The following SBF2 variants were observed in gnomAD, a reference collection of about 807,000 sequenced individuals.
SBF2 encodes SET binding factor 2.
In SBF2, 112 loss-of-function variants were observed where a neutral mutation model predicts 225.2. That is an observed-to-expected ratio of 0.50 (90% CI 0.43 to 0.58). SBF2 has a LOEUF of 0.58. Among genes scored for constraint, SBF2 ranks in the 20% least tolerant of loss-of-function variants. The pLI, the probability that SBF2 is intolerant of heterozygous loss-of-function variation, is 0.00. For synonymous variants in SBF2, 763 were observed against 773.3 expected (o/e 0.99, Z 0.22); for missense variants, 1,996 against 2,206.2 (o/e 0.90, Z 1.91).
chr11:10,071,863 A>G (rs1215481240), intron 2 of SBF2, among the ~76,000 whole-genome samples: 1 of 152,148 alleles, frequency 6.6e-6, no homozygotes, highest in African/African-American at 2.4e-5. Flanking sequence ...ATCATGGTGG[A>G]TAAGCTTTTT....
At chr11:9,857,077 G>A (rs1434382412) in intron 18 of SBF2, among the ~76,000 whole-genome samples, 1 of 152,162 alleles carries the variant, frequency 6.6e-6, no homozygotes, top group Non-Finnish European at 1.5e-5. Flanking sequence ...GTGAGCAACC[G>A]CGCCCGGCCT....
intron 1 of SBF2, among the ~76,000 whole-genome samples, chr11:10,216,363 G>C (rs1433897210): frequency 6.6e-6 from 1 of 152,146 alleles, no homozygotes; most frequent in African/African-American, 2.4e-5. Context: ...ATGTTACCTA[G>C]AATAAGAAAA....
chr11:10,063,046 A>T (rs988997880), intron 2 of SBF2, among the ~76,000 whole-genome samples: 1 of 152,172 alleles, frequency 6.6e-6, no homozygotes, highest in African/African-American at 2.4e-5. Flanking sequence ...CGGACCATGG[A>T]TGGAGCTACA....
intron 16 of SBF2, among the ~76,000 whole-genome samples, chr11:9,952,688 T>C (rs1865927320): frequency 6.6e-6 from 1 of 152,180 alleles, no homozygotes; most frequent in African/African-American, 2.4e-5. Context: ...TTAATGTACA[T>C]ATGCAATCTG....
chr11:9,897,728 G>T (rs1467581417), intron 16 of SBF2, among the ~76,000 whole-genome samples: 8 of 152,248 alleles, frequency 5.3e-5, no homozygotes, highest in African/African-American at 1.9e-4. Flanking sequence ...TGCATGAAAT[G>T]ATTTTAAACT....
At chr11:10,286,488 T>C (rs997253439) in intron 1 of SBF2, among the ~76,000 whole-genome samples, 1 of 151,952 alleles carries the variant, frequency 6.6e-6, no homozygotes. Context: ...GCCTCCCACG[T>C]AGCTGGGATT....
chr11:9,853,452 T>C, intron 20 of SBF2, 88 bp downstream of exon 20: 1 of 1,141,884 alleles, frequency 8.8e-7, no homozygotes, highest in Non-Finnish European at 1.3e-6. Flanking sequence ...ATGGCTGAAC[T>C]ATAATGGAAG....
Position 9,850,122 on chromosome 11 carries a change from C to T in SBF2, c.2707G>A (p.Gly903Arg). ...AGCTGAGGGCCTCCAAGAAGACCTC[C>T]AGTAGCTTCTTCTCTTCCATCAGGA... Reference protein sequence around the residue: ...LDPDGREEATGGLLGGPQLLP... With the variant: ...LDPDGREEATRGLLGGPQLLP... The change falls in exon 22 of 40, where the codon GGA (glycine) becomes AGA (arginine). Residue 903 changes from glycine (G) to arginine (R), a missense_variant. By Grantham distance (125) the Gly-to-Arg change is moderately radical (BLOSUM62 -2). Transcript: ENST00000256190. 1 of 1,613,934 alleles carries T rather than the reference C, an allele frequency of 6.2e-7. No homozygotes were observed. Among genetic ancestry groups the T allele is most frequent in the Non-Finnish European group, 8.5e-7 (1 of 1,179,814 alleles).
chr11:10,046,250 A>C (rs1949857497), intron 2 of SBF2, among the ~76,000 whole-genome samples: 1 of 152,228 alleles, frequency 6.6e-6, no homozygotes, highest in East Asian at 1.9e-4. Flanking sequence ...TTCAGAAAAC[A>C]GAAGCAAAGG....
At chr11:9,921,535 C>A (rs1468955268) in intron 16 of SBF2, among the ~76,000 whole-genome samples, 4 of 152,178 alleles carry the variant, frequency 2.6e-5, no homozygotes, top group African/African-American at 7.2e-5. Flanking sequence ...ATTATCCTTT[C>A]TGATATGGCC....
At chr11:10,116,029 C>T (rs1006913936) in intron 2 of SBF2, among the ~76,000 whole-genome samples, 1 of 151,934 alleles carries the variant, frequency 6.6e-6, no homozygotes, top group Admixed American at 6.6e-5. Flanking sequence ...ATTAGCCAGG[C>T]GTGGTGATGG....
chr11:9,885,281 A>AC lies in SBF2; in HGVS notation c.1929+10661dup, dbSNP rs1216269331. ...AAAAAAAAAAAAAAAAAAAAACCCC[A>AC]CCCCCCCAAAAAAAACCCAGTGTAA... On this transcript the variant is annotated intron_variant, in intron 17 of 39. Transcript: ENST00000256190. Among the ~76,000 whole-genome samples the AC allele has an allele frequency of 2.3e-3, 221 of 94,404 alleles. 2 individuals carry two copies. The highest frequency in any genetic ancestry group is 6.9e-3 in the African/African-American group (178 of 25,950). The allele number at this position is 94,404 out of a possible 152,430, so 61.9% of individuals were successfully genotyped here.
At chr11:10,273,713 GCCTTGGATAAGAAA>G (rs1487401090) in intron 1 of SBF2, among the ~76,000 whole-genome samples, 2 of 152,174 alleles carry the variant, frequency 1.3e-5, no homozygotes, top group African/African-American at 2.4e-5. Context: ...GTAGTTTAAG[GCCTTGGATAAGAAA>G]TGGAATATCT....
chr11:10,251,374 G>A (rs917855697), intron 1 of SBF2, among the ~76,000 whole-genome samples: 1 of 152,176 alleles, frequency 6.6e-6, no homozygotes, highest in African/African-American at 2.4e-5. Flanking sequence ...AGATTCTACT[G>A]TAAAGGCTAT....
At chr11:9,884,091 T>C (rs1860054618) in intron 17 of SBF2, among the ~76,000 whole-genome samples, 1 of 152,188 alleles carries the variant, frequency 6.6e-6, no homozygotes, top group African/African-American at 2.4e-5. Flanking sequence ...TACCCTTTGA[T>C]GGAGGCTTTG....
At position 9,929,413 on chromosome 11, in the gene SBF2, G is replaced by T; in HGVS notation, c.1860+32544C>A. The T allele has an allele frequency of 1.9e-5, 4 of 207,378 alleles. No individual in the cohort carries two copies. The South Asian group carries it at 2.7e-4, about 14-fold the overall frequency. 12.8% of individuals were successfully genotyped at this position (207,378 alleles called of 1,614,324 possible). On this transcript the variant is annotated intron_variant, in intron 16 of 39. Coordinates refer to ENST00000256190, the MANE Select transcript of SBF2 (RefSeq NM_030962.4). ...CCAGTGACAACCAGCTCAGGGGTAGGACCAAGAAGCAGCTCCAAAGCGCTT... is the reference window on the plus strand; with the variant it reads ...CCAGTGACAACCAGCTCAGGGGTAGTACCAAGAAGCAGCTCCAAAGCGCTT...
chr11:10,030,909 T>G, intron 4 of SBF2, 139 bp downstream of exon 4: 1 of 696,946 alleles, frequency 1.4e-6, no homozygotes, highest in Admixed American at 2.9e-5. Context: ...ATATTTCTTC[T>G]GTTCATGCTA....
intron 1 of SBF2, among the ~76,000 whole-genome samples, chr11:10,252,814 C>A (rs1960497777): frequency 1.4e-5 from 2 of 138,856 alleles, no homozygotes; most frequent in African/African-American, 2.6e-5. Flanking sequence ...ATGCGAGACT[C>A]TGTCTCAAAA....
At chr11:10,169,281 C>T (rs1416245564) in intron 2 of SBF2, among the ~76,000 whole-genome samples, 2 of 152,074 alleles carry the variant, frequency 1.3e-5, no homozygotes, top group African/African-American at 4.8e-5. Flanking sequence ...ATTCATTCTA[C>T]CCAACTATAT....
Sources: gnomAD v4.1 joint callset for allele counts (sites outside exome capture counted in the v4.1 genomes callset) on GRCh38, gnomAD v4.1.1 for gene constraint, MANE v1.5 for transcripts, NCBI Gene and HGNC (gene_info 2026-07-23, HGNC 2026-07-21) for gene names.